The following HIPK3 variants were observed in gnomAD, a reference collection of about 807,000 sequenced individuals.
HIPK3 encodes the protein homeodomain interacting protein kinase 3, also known as homeodomain-interacting protein kinase 3.
In HIPK3, 47 loss-of-function variants were observed where a neutral mutation model predicts 124.2. The ratio of observed to expected loss-of-function variants is 0.38; its 90% CI spans 0.30 to 0.48. The LOEUF is 0.48. HIPK3 is among the 20% of genes least tolerant of loss of function. The pLI, the probability that HIPK3 is intolerant of heterozygous loss-of-function variation, is 0.98. For synonymous variants in HIPK3, 482 were observed against 515.2 expected (o/e 0.94, Z 0.87); for missense variants, 1,286 against 1,454.3 (o/e 0.88, Z 1.88).
At position 33,257,441 on chromosome 11, in the gene HIPK3, A is replaced by C. The variant is rs373895171; in HGVS notation, c.-451A>C. The C allele has an allele frequency of 2.3e-5, 23 of 985,434 alleles. No homozygotes were observed. In the East Asian group the frequency reaches 2.0e-3, roughly 88 times the overall value. The allele number at this position is 985,434 out of a possible 1,614,324, so 61.0% of individuals were successfully genotyped here. ...CGGCGACCTGAGGAGATCAAGCCGC[A>C]GGCCCCGCCGTCGCCACCACTCCCG... On this transcript the variant is annotated 5_prime_UTR_variant, in exon 1 of 17. Coordinates refer to ENST00000303296, the MANE Select transcript of HIPK3 (RefSeq NM_005734.5).
Position 33,286,785 on chromosome 11 carries a change from G to T in HIPK3, c.371G>T (p.Arg124Leu). ...NRLHFLEGPQ[R>L]CGLKRKSEEL... is the part of the protein sequence containing the mutation. ...TTGCATTTCCTAGAAGGCCCCCAGC[G>T]ATGTGGATTGAAGCGCAAGAGTGAG... Residue 124 changes from arginine to leucine, a missense_variant, in exon 2 of 17, where the codon CGA (arginine) becomes CTA (leucine). This residue lies in a region of HIPK3 where 225 missense variants were observed against 240.3 expected (regional missense o/e 0.94). Transcript: ENST00000303296. The T allele has an allele frequency of 1.9e-6, 3 of 1,614,114 alleles. No homozygotes were observed. The highest frequency in any genetic ancestry group is 2.5e-6 in the Non-Finnish European group (3 of 1,180,034).
In HIPK3 at chr11:33,338,688, A is replaced by G. The variant is rs1853236290; in HGVS notation, c.1342-69A>G. On this transcript the variant is annotated intron_variant, in intron 4 of 16. Coordinates refer to ENST00000303296, the MANE Select transcript of HIPK3 (RefSeq NM_005734.5). Reference sequence around the variant, plus strand: ...TGCCTTAGAATATTTAATATATTAGACTAAATGTGCCAGGATTAAAGAAAT... The same window carrying G: ...TGCCTTAGAATATTTAATATATTAGGCTAAATGTGCCAGGATTAAAGAAAT... The G allele has an allele frequency of 7.8e-6, 7 of 901,098 alleles. No individual in the cohort carries two copies. In the South Asian group the frequency reaches 1.1e-4, roughly 15 times the overall value. The allele number at this position is 901,098 out of a possible 1,614,324, so 55.8% of individuals were successfully genotyped here.
intron 2 of HIPK3, among the ~76,000 whole-genome samples, chr11:33,311,055 C>T (rs1191396136): frequency 1.3e-5 from 2 of 152,178 alleles, no homozygotes; most frequent in Non-Finnish European, 2.9e-5. Context: ...CTATGCCTTA[C>T]TTTGAATTGT....
intron 2 of HIPK3, among the ~76,000 whole-genome samples, chr11:33,301,479 A>T (rs1851996943): frequency 6.6e-6 from 1 of 152,070 alleles, no homozygotes; most frequent in South Asian, 2.1e-4. Context: ...TGCAAAATTA[A>T]CATGTTTCTA....
intron 3 of HIPK3, among the ~76,000 whole-genome samples, chr11:33,329,965 CG>C: frequency 6.6e-6 from 1 of 152,174 alleles, no homozygotes; most frequent in Admixed American, 6.5e-5. Context: ...TTATTATACT[CG>C]ATTAGGACTT....
upstream of HIPK3, chr11:33,257,301 C>T (rs1034811531): frequency 1.0e-6 from 1 of 983,472 alleles, no homozygotes; most frequent in Non-Finnish European, 1.2e-6. Context: ...GCGCGCAGCG[C>T]TGCCGGGCGG....
intron 8 of HIPK3, among the ~76,000 whole-genome samples, 155 bp downstream of exon 8, chr11:33,341,841 T>C (rs1853344538): frequency 1.3e-5 from 2 of 152,182 alleles, no homozygotes; most frequent in Non-Finnish European, 1.5e-5. Flanking sequence ...GTTTCACGCC[T>C]GTAATCCCAG....
chr11:33,318,346 C>T (rs779302609), intron 2 of HIPK3, among the ~76,000 whole-genome samples: 5 of 151,986 alleles, frequency 3.3e-5, no homozygotes, highest in East Asian at 3.9e-4. Context: ...GGATTATAGG[C>T]GTGAGTGAGC....
At position 33,347,323 on chromosome 11, in the gene HIPK3, G is replaced by A. The variant is rs779133811; in HGVS notation, c.1928G>A (p.Ser643Asn). ...CCTGCAACACATGGTAAACCCACCA[G>A]TTATTCAATAAGGGTAGATAATACA... is the stretch of plus-strand genomic sequence containing the variant. ...GIPATHGKPT[S>N]YSIRVDNTVP... is the part of the protein sequence containing the mutation. Residue 643 changes from serine (S) to asparagine (N), a missense_variant, in exon 9 of 17, where the codon AGT becomes AAT. Coordinates refer to ENST00000303296, the MANE Select transcript of HIPK3 (RefSeq NM_005734.5). The A allele has an allele frequency of 1.9e-6, 3 of 1,613,642 alleles. No homozygotes were observed. Among genetic ancestry groups the A allele is most frequent in the Non-Finnish European group, 2.5e-6 (3 of 1,179,600 alleles).
At chr11:33,306,591 C>G (rs1263496212) in intron 2 of HIPK3, among the ~76,000 whole-genome samples, 7 of 152,112 alleles carry the variant, frequency 4.6e-5, no homozygotes, top group Non-Finnish European at 2.9e-5. Flanking sequence ...AGTTCTGCCA[C>G]TTATTGTGTC....
chr11:33,322,774 C>T (rs913104655), intron 2 of HIPK3, among the ~76,000 whole-genome samples: 4 of 152,180 alleles, frequency 2.6e-5, no homozygotes, highest in Non-Finnish European at 5.9e-5. Flanking sequence ...TGCAGTGAGT[C>T]AAGGCTGCGC....
intron 2 of HIPK3, among the ~76,000 whole-genome samples, chr11:33,309,654 CAT>C (rs1038659321): frequency 2.3e-4 from 35 of 152,202 alleles, no homozygotes; most frequent in Non-Finnish European, 2.9e-4. Flanking sequence ...AGCAAACACA[CAT>C]ACACCCACCA....
intron 1 of HIPK3, among the ~76,000 whole-genome samples, chr11:33,282,133 C>T (rs752469010): frequency 1.3e-5 from 2 of 152,136 alleles, no homozygotes; most frequent in Non-Finnish European, 2.9e-5. Context: ...TCTGTAATTT[C>T]AGCACTTTGG....
At chr11:33,273,779 A>G (rs1851201927) in intron 1 of HIPK3, among the ~76,000 whole-genome samples, 1 of 152,190 alleles carries the variant, frequency 6.6e-6, no homozygotes, top group Non-Finnish European at 1.5e-5. Context: ...TCTTTCATAA[A>G]GATTTTTAAA....
chr11:33,337,428 T>C (rs1286797546), intron 4 of HIPK3, among the ~76,000 whole-genome samples: 1 of 152,114 alleles, frequency 6.6e-6, no homozygotes, highest in East Asian at 1.9e-4. Flanking sequence ...CCATCTTGGC[T>C]CACTGCAACC....
At chr11:33,290,352 T>C (rs1212815848) in intron 2 of HIPK3, among the ~76,000 whole-genome samples, 1 of 152,206 alleles carries the variant, frequency 6.6e-6, no homozygotes, top group Non-Finnish European at 1.5e-5. Flanking sequence ...GATTAGCTTT[T>C]AATTTTTTTC....
chr11:33,307,597 G>A (rs1253110857), intron 2 of HIPK3, among the ~76,000 whole-genome samples: 6 of 150,388 alleles, frequency 4.0e-5, no homozygotes, highest in South Asian at 2.1e-4. Context: ...TAGTAGAGAC[G>A]GGGTTTCACC....
At chr11:33,341,789 T>C in intron 8 of HIPK3, 103 bp downstream of exon 8, 1 of 1,092,414 alleles carries the variant, frequency 9.2e-7, no homozygotes, top group Non-Finnish European at 1.3e-6. Context: ...TTGCTGCATT[T>C]AGTGCTACAT....
intron 2 of HIPK3, among the ~76,000 whole-genome samples, chr11:33,325,534 T>C (rs1852784501): frequency 6.6e-6 from 1 of 152,208 alleles, no homozygotes; most frequent in Admixed American, 6.5e-5. Flanking sequence ...GAATCTTTTT[T>C]AGTATAGGTT....
Sources: allele counts gnomAD v4.1 joint callset (sites outside exome capture counted in the v4.1 genomes callset), GRCh38; gene constraint gnomAD v4.1.1; regional missense constraint gnomAD v4.1.1; transcripts MANE v1.5; gene names NCBI Gene and HGNC (gene_info 2026-07-23, HGNC 2026-07-21).